The following MACROD2 variants were observed in gnomAD, a reference collection of about 807,000 sequenced individuals.
MACROD2 encodes the protein mono-ADP ribosylhydrolase 2.
A neutral mutation model predicts 70.4 loss-of-function variants in MACROD2; 36 were observed. The ratio of observed to expected loss-of-function variants is 0.51; its 90% CI spans 0.39 to 0.68. The LOEUF is 0.68. Among genes scored for constraint, MACROD2 ranks in the 30% least tolerant of loss-of-function variants. The probability of loss-of-function intolerance (pLI) is 0.00; values close to 1 mark genes in which losing one functional copy is unlikely to be tolerated. For missense variants in MACROD2, 496 were observed against 538.4 expected (o/e 0.92, Z 0.78); for synonymous variants, 172 against 178.8 (o/e 0.96, Z 0.30).
At chr20:15,290,062 A>G (rs1158580156) in intron 6 of MACROD2, among the ~76,000 whole-genome samples, 7 of 152,238 alleles carry the variant, frequency 4.6e-5, no homozygotes, top group Admixed American at 4.6e-4. Flanking sequence ...AACAATAACA[A>G]GAAGCCAGAA....
chr20:15,888,742 G>A (rs1457535527), intron 10 of MACROD2, among the ~76,000 whole-genome samples: 1 of 152,090 alleles, frequency 6.6e-6, no homozygotes, highest in Non-Finnish European at 1.5e-5. Context: ...AGCCACTTGG[G>A]CAGAATGGGC....
chr20:15,926,898 A>T (rs1054612108), intron 10 of MACROD2, among the ~76,000 whole-genome samples: 3 of 152,180 alleles, frequency 2.0e-5, no homozygotes, highest in Admixed American at 2.0e-4. Flanking sequence ...GCTGCCTCAC[A>T]CTTTAAAACA....
chr20:15,878,605 A>G (rs1386233268), intron 9 of MACROD2, among the ~76,000 whole-genome samples: 1 of 152,088 alleles, frequency 6.6e-6, no homozygotes, highest in East Asian at 1.9e-4. Flanking sequence ...GCTCTAGGTA[A>G]TGGAGTAAGA....
chr20:15,456,346 G>A (rs1429096466), intron 7 of MACROD2, among the ~76,000 whole-genome samples: 1 of 152,150 alleles, frequency 6.6e-6, no homozygotes, highest in African/African-American at 2.4e-5. Flanking sequence ...TTCCACGCAA[G>A]CAGTTTGGAG....
chr20:15,397,823 A>G (rs2045879470), intron 6 of MACROD2, among the ~76,000 whole-genome samples: 1 of 152,168 alleles, frequency 6.6e-6, no homozygotes, highest in South Asian at 2.1e-4. Context: ...ATAGAGTTAA[A>G]TAGCAGGGGT....
chr20:15,151,914 AG>A (rs1354864866), intron 5 of MACROD2, among the ~76,000 whole-genome samples: 5 of 148,510 alleles, frequency 3.4e-5, no homozygotes, highest in Admixed American at 2.6e-4. Flanking sequence ...CGAGGAGGGG[AG>A]GGGTCAGATG....
At chr20:14,217,521 G>C (rs1304193243) in intron 3 of MACROD2, among the ~76,000 whole-genome samples, 1 of 152,070 alleles carries the variant, frequency 6.6e-6, no homozygotes, top group Admixed American at 6.6e-5. Context: ...TGCTGGCTTA[G>C]TAGAATGAAT....
intron 7 of MACROD2, among the ~76,000 whole-genome samples, chr20:15,488,080 C>T (rs2047184340): frequency 1.3e-5 from 2 of 152,146 alleles, no homozygotes; most frequent in South Asian, 4.1e-4. Context: ...TTCAGTCTGT[C>T]CTAGTCTAGG....
intron 6 of MACROD2, among the ~76,000 whole-genome samples, chr20:15,362,021 T>C (rs1321189805): frequency 1.3e-5 from 2 of 151,662 alleles, no homozygotes; most frequent in Admixed American, 1.3e-4. Context: ...TTTTTTTTTT[T>C]TCTTTTTTGA....
At chr20:15,673,652 T>C (rs1278661600) in intron 8 of MACROD2, among the ~76,000 whole-genome samples, 1 of 152,232 alleles carries the variant, frequency 6.6e-6, no homozygotes, top group Non-Finnish European at 1.5e-5. Context: ...TTTTTCACTT[T>C]CTGTAGGCCA....
intron 5 of MACROD2, among the ~76,000 whole-genome samples, chr20:14,779,977 A>G (rs537901345): frequency 5.6e-4 from 86 of 152,234 alleles, no homozygotes; most frequent in Non-Finnish European, 1.1e-3. Context: ...CCTCACCTTA[A>G]CTGTGTGAAG....
At position 15,252,807 on chromosome 20, in the gene MACROD2, A is replaced by G. The variant is rs76954591; in HGVS notation, c.540+22746A>G. ...CTACATCCAGTGTCTCCTTGTATGC[A>G]AATTTGTGGACACACCATGGCATCC... On this transcript the variant is annotated intron_variant, in intron 6 of 17. Transcript: ENST00000684519. 2.8e-3 allele frequency among the ~76,000 whole-genome samples: 426 copies of G among 152,312 alleles called. 1 individual carries two copies. Among genetic ancestry groups the G allele is most frequent in the African/African-American group, 9.9e-3 (413 of 41,578 alleles).
chr20:14,892,335 C>T (rs545054327), intron 5 of MACROD2, among the ~76,000 whole-genome samples: 3 of 152,048 alleles, frequency 2.0e-5, no homozygotes, highest in African/African-American at 7.2e-5. Flanking sequence ...ATTAGCCGGG[C>T]TTGGTGGTGC....
chr20:15,747,011 C>T (rs2051193683), intron 8 of MACROD2, among the ~76,000 whole-genome samples: 1 of 152,090 alleles, frequency 6.6e-6, no homozygotes, highest in Non-Finnish European at 1.5e-5. Flanking sequence ...TGATGAATCT[C>T]CTTATTGCTA....
chr20:14,059,229 A>G (rs2053665358), intron 2 of MACROD2, among the ~76,000 whole-genome samples: 1 of 152,026 alleles, frequency 6.6e-6, no homozygotes. Context: ...TTCAGATTAA[A>G]CTTTATTTTC....
chr20:14,156,204 C>T (rs1601290564), intron 3 of MACROD2, among the ~76,000 whole-genome samples: 1 of 152,108 alleles, frequency 6.6e-6, no homozygotes, highest in South Asian at 2.1e-4. Flanking sequence ...GAGTTATGAT[C>T]ATCTCTGTTT....
intron 5 of MACROD2, among the ~76,000 whole-genome samples, chr20:14,961,413 A>C (rs149160603): frequency 7.3e-4 from 111 of 152,312 alleles, no homozygotes; most frequent in African/African-American, 2.6e-3. Flanking sequence ...TTTAATACCC[A>C]TTCCAGGGCA....
At chr20:15,348,428 C>T (rs60523860) in intron 6 of MACROD2, among the ~76,000 whole-genome samples, 138 of 152,256 alleles carry the variant, frequency 9.1e-4, no homozygotes, top group African/African-American at 3.1e-3. Context: ...ATTAATGTTT[C>T]CTTAACCTCC....
chr20:15,844,679 G>T (rs773600725), intron 8 of MACROD2, among the ~76,000 whole-genome samples: 2 of 152,106 alleles, frequency 1.3e-5, no homozygotes, highest in Non-Finnish European at 2.9e-5. Flanking sequence ...GACAATTTCT[G>T]TCGTACACAT....
Sources: allele counts gnomAD v4.1 joint callset (sites outside exome capture counted in the v4.1 genomes callset), GRCh38; gene constraint gnomAD v4.1.1; transcripts MANE v1.5; gene names NCBI Gene and HGNC (gene_info 2026-07-23, HGNC 2026-07-21).